Variants in EFHB observed in about 807,000 individuals in gnomAD.
The protein encoded by EFHB is EF-hand domain family member B, also known as EF-hand domain-containing family member B.
EFHB carries 91 observed loss-of-function variants against 87.2 expected under a neutral mutation model. The ratio of observed to expected loss-of-function variants is 1.04; its 90% CI spans 0.88 to 1.24. EFHB has a LOEUF of 1.24. EFHB is among the 50% of genes most tolerant of loss of function. EFHB has a pLI of 0.00. For synonymous variants in EFHB, 325 were observed against 333.6 expected (o/e 0.97, Z 0.28); for missense variants, 1,084 against 998.8 (o/e 1.09, Z -1.15).
rs1462626305 is a variant in EFHB, at chr3:19,888,441, T to C, written c.1933+3A>G. On this transcript the variant is annotated splice_donor_region_variant and intron_variant, in intron 10 of 12. Coordinates refer to ENST00000295824, the MANE Select transcript of EFHB (RefSeq NM_144715.4). ...ATTCATCAAACCTTCAAAAATTAAA[T>C]ACCTTTAATAATGACCCTCTCTTCA... 7.3e-6 allele frequency: 10 copies of C among 1,363,392 alleles called. No homozygotes were observed. Among genetic ancestry groups the C allele is most frequent in the Non-Finnish European group, 9.6e-6 (10 of 1,036,408 alleles). 84.5% of individuals were successfully genotyped at this position (1,363,392 alleles called of 1,614,324 possible).
chr3:19,915,174 T>A, intron 5 of EFHB, 129 bp downstream of exon 5: 1 of 603,506 alleles, frequency 1.7e-6, no homozygotes, highest in South Asian at 2.3e-5. Flanking sequence ...TATGACCTTA[T>A]GAATAATATT....
intron 1 of EFHB, among the ~76,000 whole-genome samples, chr3:19,924,385 T>C (rs111345314): frequency 0.14 from 21,100 of 152,014 alleles, 1,736 homozygotes; most frequent in Non-Finnish European, 0.19. Flanking sequence ...GGCTAATTTT[T>C]GTATTTTCAG....
rs202053738 is a variant in EFHB at position 19,892,855 on chromosome 3, C to CTAAAATAAAATAAAATAAAA, written c.1725+3812_1725+3831dup. On this transcript the variant is annotated intron_variant, in intron 9 of 12. Coordinates refer to ENST00000295824, the MANE Select transcript of EFHB (RefSeq NM_144715.4). ...GGGCAACAGAGTGAGAATCTCATCT[C>CTAAAATAAAATAAAATAAAA]TAAAATAAAATAAAATAAAATAAAA... Among the ~76,000 whole-genome samples the CTAAAATAAAATAAAATAAAA allele has an allele frequency of 1.0e-3, 142 of 136,962 alleles. 1 individual carries two copies. Among genetic ancestry groups the CTAAAATAAAATAAAATAAAA allele is most frequent in the African/African-American group, 4.3e-3 (135 of 31,214 alleles). The allele number at this position is 136,962 out of a possible 152,430, so 89.9% of individuals were successfully genotyped here.
chr3:19,914,849 G>A (rs1249891201), intron 5 of EFHB, among the ~76,000 whole-genome samples: 2 of 152,034 alleles, frequency 1.3e-5, no homozygotes, highest in Non-Finnish European at 2.9e-5. Context: ...CAGCACTTTC[G>A]GAGGCCAAGG....
chr3:19,946,269 C>T (rs1483356640), intron 1 of EFHB: 2 of 152,208 alleles, frequency 1.3e-5, no homozygotes, highest in African/African-American at 2.4e-5. Flanking sequence ...AAAACATCTA[C>T]AACTAGAACT....
At chr3:19,923,127 C>T (rs995981776) in intron 1 of EFHB, among the ~76,000 whole-genome samples, 1 of 152,042 alleles carries the variant, frequency 6.6e-6, no homozygotes, top group Non-Finnish European at 1.5e-5. Context: ...ATTAGCCAGG[C>T]ATGGTGGCGC....
chr3:19,926,261 A>C (rs185264433), intron 1 of EFHB, among the ~76,000 whole-genome samples: 188 of 152,272 alleles, frequency 1.2e-3, no homozygotes, highest in Admixed American at 7.7e-3. Flanking sequence ...AAGTTCCTTG[A>C]ATGCAGGTAG....
intron 10 of EFHB, among the ~76,000 whole-genome samples, chr3:19,885,112 C>T (rs776665349): frequency 1.3e-5 from 2 of 151,592 alleles, no homozygotes; most frequent in Non-Finnish European, 2.9e-5. Flanking sequence ...ACCCCAGCTA[C>T]TCAGGAGGCT....
chr3:19,942,824 T>TG (rs561457602), intron 1 of EFHB: 1 of 155,240 alleles, frequency 6.4e-6, no homozygotes, highest in East Asian at 1.9e-4. Context: ...GGAGCTCAGG[T>TG]GGTAATGTGA....
chr3:19,941,061 T>C (rs1696146681), intron 1 of EFHB: 1 of 361,000 alleles, frequency 2.8e-6, no homozygotes, highest in Non-Finnish European at 5.2e-6. Context: ...CTTGGACAGC[T>C]GCACCATAAG....
chr3:19,909,812 T>G (rs922294440), intron 5 of EFHB, among the ~76,000 whole-genome samples: 3 of 152,112 alleles, frequency 2.0e-5, no homozygotes, highest in Admixed American at 6.5e-5. Flanking sequence ...GGTTTGCAGA[T>G]GACGTTTCTA....
Position 19,884,491 on chromosome 3 carries a change from T to G in EFHB, c.2058A>C (p.Thr686=), listed in dbSNP as rs1559443423. Residue 686 remains threonine, a synonymous_variant, in exon 11 of 13, where the codon ACA becomes ACC. Coordinates refer to ENST00000295824, the MANE Select transcript of EFHB (RefSeq NM_144715.4). ...AAACTTTATCACTTGGTCTCAGAAGTGTCCGGAGAGTCTTTTCTGTGCTTC... is the reference window on the plus strand; with the variant it reads ...AAACTTTATCACTTGGTCTCAGAAGGGTCCGGAGAGTCTTTTCTGTGCTTC... The part of the protein sequence containing the change: ...EAGSTEKTLR[T]LLRPSDKVSN... The G allele has an allele frequency of 6.2e-7, 1 of 1,613,978 alleles. No individual in the cohort carries two copies. Among genetic ancestry groups the G allele is most frequent in the East Asian group, 2.2e-5 (1 of 44,870 alleles).
intron 5 of EFHB, among the ~76,000 whole-genome samples, chr3:19,909,289 A>T (rs889473964): frequency 6.6e-6 from 1 of 151,924 alleles, no homozygotes; most frequent in Non-Finnish European, 1.5e-5. Context: ...GAGGTATCAA[A>T]CTCAGTGCTT....
chr3:19,905,582 C>T lies in EFHB; in HGVS notation c.1418+38G>A, dbSNP rs775049447. On this transcript the variant is annotated intron_variant, in intron 6 of 12. Transcript: ENST00000295824. ...TCAACTTTTCTTTAAGTCCAAATGTCTAACACTTGTTCCTGGGCACAGTAT... is the reference window on the plus strand; with the variant it reads ...TCAACTTTTCTTTAAGTCCAAATGTTTAACACTTGTTCCTGGGCACAGTAT... The T allele has an allele frequency of 3.1e-6, 5 of 1,589,146 alleles. No homozygotes were observed. In the South Asian group the frequency reaches 4.5e-5, roughly 14 times the overall value.
At chr3:19,935,925 G>T (rs530952096), upstream of EFHB, among the ~76,000 whole-genome samples, 5 of 138,326 alleles carry the variant, frequency 3.6e-5, no homozygotes, top group Non-Finnish European at 6.0e-5. Flanking sequence ...TAGAAGAATC[G>T]CTTGAACCTG....
rs750726180 is a variant in EFHB at position 19,915,289 on chromosome 3, C to A, written c.1288+14G>T. ...CCATATCCTCAGGCCCATTTTGCATCGGAGGACACTTACCTGCATAATAAT... is the reference window on the plus strand; with the variant it reads ...CCATATCCTCAGGCCCATTTTGCATAGGAGGACACTTACCTGCATAATAAT... On this transcript the variant is annotated intron_variant, in intron 5 of 12. Transcript: ENST00000295824. 1 of 1,575,268 alleles carries A rather than the reference C, an allele frequency of 6.3e-7. No homozygotes were observed.
At chr3:19,895,820 A>G (rs1269432215) in intron 9 of EFHB, among the ~76,000 whole-genome samples, 2 of 152,214 alleles carry the variant, frequency 1.3e-5, no homozygotes. Context: ...TAAAAGCCTC[A>G]TGGGCATACT....
In EFHB at chr3:19,919,984, G is replaced by C. The variant is rs1292407844; in HGVS notation, c.853-8C>G. The C allele has an allele frequency of 4.3e-6, 7 of 1,613,328 alleles. No individual in the cohort carries two copies. The highest frequency in any genetic ancestry group is 5.9e-6 in the Non-Finnish European group (7 of 1,179,632). ...TTCAGGTGGAGTAATTAGCTACAAA[G>C]AGTGAGGCAAGAAAATAGTATTAAG... On this transcript the variant is annotated splice_polypyrimidine_tract_variant and splice_region_variant and intron_variant, in intron 2 of 12. Transcript: ENST00000295824.
intron 2 of EFHB, 89 bp downstream of exon 2, chr3:19,920,416 A>G: frequency 9.2e-7 from 1 of 1,090,234 alleles, no homozygotes; most frequent in East Asian, 2.6e-5. Context: ...AGTTTATACC[A>G]CTTTCATAAG....
Sources: allele counts gnomAD v4.1 joint callset (sites outside exome capture counted in the v4.1 genomes callset), GRCh38; gene constraint gnomAD v4.1.1; transcripts MANE v1.5; gene names NCBI Gene and HGNC (gene_info 2026-07-23, HGNC 2026-07-21).